Variants in SUPV3L1 observed in about 807,000 individuals in gnomAD.
SUPV3L1 encodes Suv3 like RNA helicase.
A neutral mutation model predicts 70.0 loss-of-function variants in SUPV3L1; 35 were observed. The ratio of observed to expected loss-of-function variants is 0.50; its 90% confidence interval spans 0.38 to 0.66. The LOEUF (loss-of-function observed/expected upper bound fraction) is 0.66. SUPV3L1 is among the 30% of genes least tolerant of loss of function. The probability of loss-of-function intolerance (pLI) is 0.00; values close to 1 mark genes in which losing one functional copy is unlikely to be tolerated. For synonymous variants in SUPV3L1, 364 were observed against 341.9 expected (o/e 1.06, Z -0.71); for missense variants, 777 against 961.5 (o/e 0.81, Z 2.54).
At chr10:69,184,731 T>A (rs531789180) in intron 1 of SUPV3L1, among the ~76,000 whole-genome samples, 1 of 152,174 alleles carries the variant, frequency 6.6e-6, no homozygotes, top group East Asian at 1.9e-4. Flanking sequence ...TCAAACAGTT[T>A]TATTAGTGGA....
At chr10:69,189,151 A>C in intron 4 of SUPV3L1, 116 bp from the exon 5 acceptor site, 2 of 1,135,190 alleles carry the variant, frequency 1.8e-6, no homozygotes, top group Non-Finnish European at 2.4e-6. Flanking sequence ...TTTTTCAAAG[A>C]CTTGATCTTG....
chr10:69,203,007 C>G lies in SUPV3L1; in HGVS notation c.1740C>G (p.Asn580Lys), dbSNP rs771095548. The G allele has an allele frequency of 1.9e-6, 3 of 1,613,656 alleles. No homozygotes were observed. Among genetic ancestry groups the G allele is most frequent in the Non-Finnish European group, 2.5e-6 (3 of 1,179,862 alleles). The change falls in exon 13 of 15, where the codon AAC becomes AAG. Residue 580 changes from asparagine to lysine, a missense_variant. Asn to Lys is a moderately conservative substitution (Grantham distance 94). Transcript: ENST00000359655. ...VRYVFCTAPI[N>K]KKQPFVCSSL... ...ATGTTTTCTGCACAGCTCCTATCAACAAGAAGCAGCCTTTTGTGTGTTCTT... is the reference window on the plus strand; with the variant it reads ...ATGTTTTCTGCACAGCTCCTATCAAGAAGAAGCAGCCTTTTGTGTGTTCTT...
chr10:69,205,955 C>T (rs1035070288), intron 13 of SUPV3L1, among the ~76,000 whole-genome samples: 1 of 152,080 alleles, frequency 6.6e-6, no homozygotes, highest in African/African-American at 2.4e-5. Context: ...TTAGGATGCC[C>T]CTTAGGACTG....
rs751814762 is a variant in SUPV3L1 at position 69,208,616 on chromosome 10, A to T, written c.1942A>T (p.Met648Leu). 1 of 1,611,980 alleles carries T rather than the reference A, an allele frequency of 6.2e-7. No homozygotes were observed. The highest frequency in any genetic ancestry group is 2.2e-5 in the East Asian group (1 of 44,862). The change falls in exon 15 of 15, where the codon ATG becomes TTG. Residue 648 changes from methionine (M) to leucine (L), a missense_variant. By Grantham distance (15) the Met-to-Leu change is conservative. Transcript: ENST00000359655. ...YLWLSYRFMD[M>L]FPDASLIRDL... ...TTTTCCCAGCTACCGATTTATGGAT[A>T]TGTTTCCAGATGCCAGCCTTATTCG...
At chr10:69,188,720 A>C (rs185944735) in intron 4 of SUPV3L1, among the ~76,000 whole-genome samples, 1 of 152,216 alleles carries the variant, frequency 6.6e-6, no homozygotes, top group East Asian at 1.9e-4. Flanking sequence ...GCTGGTCTCG[A>C]GCTCCTGACC....
chr10:69,199,342 C>G (rs1589386803), intron 10 of SUPV3L1, 145 bp downstream of exon 10: 1 of 655,564 alleles, frequency 1.5e-6, no homozygotes, highest in East Asian at 2.8e-5. Flanking sequence ...GTTTGTCTTG[C>G]CTACACCTAT....
intron 1 of SUPV3L1, among the ~76,000 whole-genome samples, chr10:69,185,761 A>C (rs182184605): frequency 6.6e-6 from 1 of 152,022 alleles, no homozygotes; most frequent in African/African-American, 2.4e-5. Context: ...CAGCCTCCCA[A>C]AGTGCTGGGA....
intron 1 of SUPV3L1, among the ~76,000 whole-genome samples, chr10:69,185,476 C>T (rs185427267): frequency 6.3e-4 from 95 of 151,132 alleles, no homozygotes; most frequent in Non-Finnish European, 1.2e-3. Context: ...TAACAGGGTG[C>T]TGCATTATTT....
At chr10:69,208,535 A>G (rs1197980525) in intron 14 of SUPV3L1, 65 bp from the exon 15 acceptor site, 2 of 1,495,166 alleles carry the variant, frequency 1.3e-6, no homozygotes, top group African/African-American at 1.4e-5. Context: ...TAGGTGTGCC[A>G]TTGAGAGTTG....
chr10:69,203,479 G>A (rs1224095771), intron 13 of SUPV3L1, among the ~76,000 whole-genome samples: 1 of 151,856 alleles, frequency 6.6e-6, no homozygotes, highest in African/African-American at 2.4e-5. Context: ...GCCTGGCCAA[G>A]CTGGTGAAAC....
intron 1 of SUPV3L1, chr10:69,182,549 T>C: frequency 4.1e-6 from 4 of 985,420 alleles, no homozygotes; most frequent in Non-Finnish European, 4.8e-6. Context: ...AATGTAAATG[T>C]CTTTGCTGCT....
intron 3 of SUPV3L1, among the ~76,000 whole-genome samples, chr10:69,187,264 G>A (rs953961280): frequency 4.1e-5 from 6 of 147,902 alleles, no homozygotes; most frequent in African/African-American, 1.5e-4. Flanking sequence ...AAAGGAAAAA[G>A]TAAGACAAAA....
In SUPV3L1 at chr10:69,191,691, G is replaced by T. The variant is rs964604662; in HGVS notation, c.778G>T (p.Val260Leu). The change falls in exon 6 of 15, where the codon GTG becomes TTG. Residue 260 changes from valine (V) to leucine (L), a missense_variant. This residue lies in a region of SUPV3L1 where 619 missense variants were observed against 823.3 expected (regional missense o/e 0.75). Coordinates refer to ENST00000359655, the MANE Select transcript of SUPV3L1 (RefSeq NM_003171.5). ...PCDLVTGEERVTVQPNGKQAS... is the reference protein window; with the variant it reads ...PCDLVTGEERLTVQPNGKQAS... ...TGACTTGGTGACAGGTGAAGAGCGT[G>T]TGACAGTTCAGCCAAATGGGAAACA... 5 of 1,613,940 alleles carry T rather than the reference G, an allele frequency of 3.1e-6. No individual in the cohort carries two copies. The highest frequency in any genetic ancestry group is 4.2e-6 in the Non-Finnish European group (5 of 1,180,018).
rs770369517 is a variant in SUPV3L1, at chr10:69,180,464, T to C, written c.173T>C (p.Ile58Thr). 9 of 1,614,074 alleles carry C rather than the reference T, an allele frequency of 5.6e-6. No individual in the cohort carries two copies. In the Admixed American group the frequency reaches 1.2e-4, roughly 21 times the overall value. Residue 58 changes from isoleucine (I) to threonine (T), a missense_variant, in exon 1 of 15, where the codon ATA becomes ACA. By Grantham distance (89) the Ile-to-Thr change is moderately conservative. This residue lies in a region of SUPV3L1 where 158 missense variants were observed against 138.3 expected (regional missense o/e 1.14). Transcript: ENST00000359655. The stretch of plus-strand genomic sequence containing the variant: ...TCCTCTGCCTCCGGTGGCTCCAAAA[T>C]ACCAAACACGTCCTTGTTCGTGCCC... ...ASSSASGGSKIPNTSLFVPLT... is the reference protein window; with the variant it reads ...ASSSASGGSKTPNTSLFVPLT...
At position 69,199,202 on chromosome 10, in the gene SUPV3L1, G is replaced by T; in HGVS notation, c.1298+5G>T. ...AATTGGCATGGGACTTAATTTGTAA[G>T]TAATTTGTTTTTAATAAGATGAATA... On this transcript the variant is annotated splice_donor_5th_base_variant and intron_variant, in intron 10 of 14. Transcript: ENST00000359655. 1 of 1,602,644 alleles carries T rather than the reference G, an allele frequency of 6.2e-7. No homozygotes were observed. Among genetic ancestry groups the T allele is most frequent in the Non-Finnish European group, 8.5e-7 (1 of 1,175,054 alleles).
At chr10:69,196,532 T>A (rs1232448974) in intron 7 of SUPV3L1, among the ~76,000 whole-genome samples, 2 of 152,092 alleles carry the variant, frequency 1.3e-5, no homozygotes, top group Non-Finnish European at 2.9e-5. Flanking sequence ...GAACTCTTTT[T>A]TTAAACAAAG....
chr10:69,208,076 C>A, intron 14 of SUPV3L1, 135 bp downstream of exon 14: 1 of 1,116,802 alleles, frequency 9.0e-7, no homozygotes, highest in Non-Finnish European at 1.3e-6. Context: ...TCCATAAAGG[C>A]AATTCAACTG....
intron 7 of SUPV3L1, 52 bp downstream of exon 7, chr10:69,195,317 ATGCATTTTTATCTGCT>A (rs1842514965): frequency 7.2e-6 from 10 of 1,396,376 alleles, no homozygotes; most frequent in Non-Finnish European, 8.7e-6. Context: ...CTGCGCTGAG[ATGCATTTTTATCTGCT>A]TGCCATTGCC....
chr10:69,190,394 G>C (rs1277676987), intron 5 of SUPV3L1, among the ~76,000 whole-genome samples: 2 of 151,242 alleles, frequency 1.3e-5, no homozygotes, highest in African/African-American at 4.9e-5. Flanking sequence ...TTTATAATGT[G>C]AGTTTAACCA....
Sources: allele counts gnomAD v4.1 joint callset (sites outside exome capture counted in the v4.1 genomes callset), GRCh38; gene constraint gnomAD v4.1.1; regional missense constraint gnomAD v4.1.1; transcripts MANE v1.5; gene names NCBI Gene and HGNC (gene_info 2026-07-23, HGNC 2026-07-21).